SRPK2: variants seen among roughly 807,000 people sequenced by gnomAD.
The protein encoded by SRPK2 is SRSF protein kinase 2, also known as SFRS protein kinase 2.
A neutral mutation model predicts 90.8 loss-of-function variants in SRPK2; 21 were observed. The ratio of observed to expected loss-of-function variants is 0.23; its 90% CI spans 0.16 to 0.33. SRPK2 has a LOEUF of 0.33. SRPK2 is among the 10% of genes least tolerant of loss of function. The probability of loss-of-function intolerance (pLI) is 1.00; values close to 1 mark genes in which losing one functional copy is unlikely to be tolerated. For missense variants in SRPK2, 620 were observed against 869.0 expected (o/e 0.71, Z 3.60); for synonymous variants, 288 against 311.1 (o/e 0.93, Z 0.78).
At chr7:105,180,383 C>G (rs1047294258) in intron 3 of SRPK2, among the ~76,000 whole-genome samples, 3 of 152,198 alleles carry the variant, frequency 2.0e-5, no homozygotes, top group African/African-American at 7.2e-5. Context: ...ATGCAGAAGA[C>G]TGAAACCGCA....
At chr7:105,185,730 CCCA>C (rs992058451) in intron 3 of SRPK2, among the ~76,000 whole-genome samples, 11 of 152,072 alleles carry the variant, frequency 7.2e-5, no homozygotes, top group African/African-American at 2.7e-4. Context: ...ACTCGAAAGC[CCCA>C]CCTAGTTTTA....
intron 3 of SRPK2, among the ~76,000 whole-genome samples, chr7:105,183,295 A>T (rs1437555926): frequency 7.2e-5 from 11 of 152,240 alleles, no homozygotes; most frequent in Non-Finnish European, 1.6e-4. Context: ...AAGTCACATT[A>T]CTATACAAGC....
intron 3 of SRPK2, among the ~76,000 whole-genome samples, chr7:105,176,643 G>C (rs1791941264): frequency 7.5e-6 from 1 of 133,234 alleles, no homozygotes; most frequent in African/African-American, 2.9e-5. Flanking sequence ...ATGCACAGTG[G>C]CATATGGTTT....
Position 105,124,139 on chromosome 7 carries a change from G to A in SRPK2, c.1915+2109C>T, listed in dbSNP as rs374654271. Among the ~76,000 whole-genome samples, 52 of 152,304 alleles carry A rather than the reference G, an allele frequency of 3.4e-4. No homozygotes were observed. In the East Asian group the frequency reaches 8.1e-3, roughly 24 times the overall value. ...TGGCCACACGCAGGCCGCTCTCACT[G>A]AAAGGAACCATCACAGGAGTGACAG... On this transcript the variant is annotated intron_variant, in intron 15 of 15. Transcript: ENST00000393651.
chr7:105,186,739 G>A (rs1350909303), intron 3 of SRPK2, among the ~76,000 whole-genome samples: 1 of 152,198 alleles, frequency 6.6e-6, no homozygotes, highest in Admixed American at 6.5e-5. Flanking sequence ...ATGAGACTGT[G>A]TGACTTTTGA....
At position 105,154,273 on chromosome 7, in the gene SRPK2, G is replaced by A. The variant is rs115943856; in HGVS notation, c.621+6234C>T. On this transcript the variant is annotated intron_variant, in intron 7 of 15. Coordinates refer to ENST00000393651, the MANE Select transcript of SRPK2 (RefSeq NM_182692.3). ...GAAAGCAGCTTAGTCCCTTGAAACA[G>A]AGCCACCTCACCACATTTCCTGAGT... Among the ~76,000 whole-genome samples the A allele has an allele frequency of 2.8e-3, 420 of 152,330 alleles. 1 individual carries two copies. Among genetic ancestry groups the A allele is most frequent in the African/African-American group, 9.4e-3 (390 of 41,572 alleles).
intron 2 of SRPK2, among the ~76,000 whole-genome samples, chr7:105,344,407 CTTTTTTT>C (rs1178845367): frequency 1.7e-4 from 10 of 58,458 alleles, no homozygotes; most frequent in Non-Finnish European, 2.6e-4. Context: ...GCAGCCACAC[CTTTTTTT>C]TTTTTTTTTT....
chr7:105,169,990 A>AT (rs1790600888), intron 3 of SRPK2, among the ~76,000 whole-genome samples: 2 of 151,994 alleles, frequency 1.3e-5, no homozygotes, highest in South Asian at 4.2e-4. Context: ...TAATTTTTGT[A>AT]TTTTTTGTAG....
chr7:105,390,535 T>G (rs1429440217), upstream of SRPK2, among the ~76,000 whole-genome samples: 1 of 151,582 alleles, frequency 6.6e-6, no homozygotes, highest in Non-Finnish European at 1.5e-5. Context: ...TCCAAGCCAT[T>G]CTCCTGCCTC....
At chr7:105,215,509 C>T (rs938001088) in intron 2 of SRPK2, among the ~76,000 whole-genome samples, 3 of 152,150 alleles carry the variant, frequency 2.0e-5, no homozygotes, top group African/African-American at 7.2e-5. Flanking sequence ...GAAATGAAAA[C>T]ATGTCCACAC....
At chr7:105,213,808 T>C (rs999859834) in intron 2 of SRPK2, among the ~76,000 whole-genome samples, 2 of 152,146 alleles carry the variant, frequency 1.3e-5, no homozygotes, top group Non-Finnish European at 2.9e-5. Flanking sequence ...AAAGTTGCTA[T>C]AACAACTAAC....
chr7:105,176,474 A>G (rs1431605188), intron 3 of SRPK2, among the ~76,000 whole-genome samples: 1 of 152,078 alleles, frequency 6.6e-6, no homozygotes, highest in Non-Finnish European at 1.5e-5. Context: ...AATAAATAAA[A>G]AGGCATCACT....
intron 3 of SRPK2, among the ~76,000 whole-genome samples, chr7:105,193,072 G>C (rs752663058): frequency 6.6e-6 from 1 of 152,078 alleles, no homozygotes; most frequent in Non-Finnish European, 1.5e-5. Flanking sequence ...ACTTTGTTTT[G>C]ATCACATTTG....
intron 2 of SRPK2, among the ~76,000 whole-genome samples, chr7:105,364,370 A>G (rs911166562): frequency 6.7e-6 from 1 of 148,448 alleles, no homozygotes; most frequent in Non-Finnish European, 1.5e-5. Flanking sequence ...CTTCTGCTGC[A>G]CTGAAAAGCC....
chr7:105,176,501 A>G (rs1313253719), intron 3 of SRPK2, among the ~76,000 whole-genome samples: 3 of 152,152 alleles, frequency 2.0e-5, no homozygotes, highest in African/African-American at 7.2e-5. Context: ...AAAAAAAGAA[A>G]TAAAATTTAT....
At chr7:105,118,183 T>G (rs942924958) in intron 15 of SRPK2, among the ~76,000 whole-genome samples, 161 bp from the exon 16 acceptor site, 2 of 152,212 alleles carry the variant, frequency 1.3e-5, no homozygotes, top group Admixed American at 1.3e-4. Flanking sequence ...CAATAATCAT[T>G]ACATGTACAT....
chr7:105,387,253 A>C (rs1262596715), intron 2 of SRPK2, among the ~76,000 whole-genome samples: 1 of 152,372 alleles, frequency 6.6e-6, no homozygotes, highest in East Asian at 1.9e-4. Flanking sequence ...GCTGTGATTA[A>C]AACACAGTAC....
At chr7:105,363,473 A>G (rs1161786791) in intron 2 of SRPK2, among the ~76,000 whole-genome samples, 9 of 152,204 alleles carry the variant, frequency 5.9e-5, no homozygotes, top group Non-Finnish European at 1.2e-4. Context: ...CAAAACCACA[A>G]TGAGATACCA....
intron 2 of SRPK2, among the ~76,000 whole-genome samples, chr7:105,281,151 T>C (rs149671812): frequency 4.6e-5 from 7 of 151,542 alleles, no homozygotes; most frequent in African/African-American, 7.3e-5. Flanking sequence ...GGCTGGAGTA[T>C]AGTAGCGCGA....
Sources: gnomAD v4.1 joint callset for allele counts (sites outside exome capture counted in the v4.1 genomes callset) on GRCh38, gnomAD v4.1.1 for gene constraint, MANE v1.5 for transcripts, NCBI Gene and HGNC (gene_info 2026-07-23, HGNC 2026-07-21) for gene names.